The following UBP1 variants were observed in gnomAD, a reference collection of about 807,000 sequenced individuals.
The protein encoded by UBP1 is upstream binding protein 1, also known as upstream-binding protein 1.
A neutral mutation model predicts 76.1 loss-of-function variants in UBP1; 22 were observed. The observed-to-expected ratio is 0.29, with a 90% CI of 0.21 to 0.41. UBP1 has a LOEUF of 0.41. Among genes scored for constraint, UBP1 ranks in the 10% least tolerant of loss-of-function variants. The probability of loss-of-function intolerance (pLI) is 1.00; values close to 1 mark genes in which losing one functional copy is unlikely to be tolerated. For missense variants in UBP1, 436 were observed against 668.1 expected, an observed-to-expected ratio of 0.65 and a Z score of 3.83; for synonymous variants, 224 against 237.1, an observed-to-expected ratio of 0.94 and a Z score of 0.51.
intron 1 of UBP1, among the ~76,000 whole-genome samples, chr3:33,427,112 C>A (rs2045030599): frequency 6.6e-6 from 1 of 152,206 alleles, no homozygotes; most frequent in South Asian, 2.1e-4. Context: ...GGATTAGAGG[C>A]ATGTGCCACC....
At chr3:33,415,806 CA>C (rs2044713519) in intron 3 of UBP1, among the ~76,000 whole-genome samples, 1 of 151,796 alleles carries the variant, frequency 6.6e-6, no homozygotes, top group Non-Finnish European at 1.5e-5. Flanking sequence ...TCAGAGAAAG[CA>C]CATTGCTGAA....
chr3:33,408,065 G>GA (rs964354043), intron 8 of UBP1, among the ~76,000 whole-genome samples: 30 of 152,026 alleles, frequency 2.0e-4, no homozygotes, highest in African/African-American at 7.2e-4. Flanking sequence ...ACTTTGGCCT[G>GA]AAGCATTAAT....
chr3:33,394,516 A>G (rs950301683), intron 13 of UBP1, among the ~76,000 whole-genome samples: 1 of 131,910 alleles, frequency 7.6e-6, no homozygotes, highest in African/African-American at 3.1e-5. Context: ...CCCCAGCCAC[A>G]TTCCAGTGTT....
intron 9 of UBP1, among the ~76,000 whole-genome samples, chr3:33,402,216 A>C (rs770068145): frequency 6.6e-6 from 1 of 152,234 alleles, no homozygotes; most frequent in Non-Finnish European, 1.5e-5. Context: ...TGTACCTTCA[A>C]GATGCCCCAA....
intron 1 of UBP1, among the ~76,000 whole-genome samples, chr3:33,437,901 A>C (rs2154060329): frequency 6.6e-6 from 1 of 152,214 alleles, no homozygotes; most frequent in African/African-American, 2.4e-5. Context: ...AGAGGCAAGC[A>C]CTCTCATCTC....
intron 14 of UBP1, 52 bp from the exon 15 acceptor site, chr3:33,392,666 C>A: frequency 6.6e-7 from 1 of 1,507,378 alleles, no homozygotes; most frequent in Non-Finnish European, 9.1e-7. Flanking sequence ...ACTGTCGTTT[C>A]TTAAAATGAT....
intron 8 of UBP1, chr3:33,403,124 C>G (rs2044293800): frequency 2.1e-6 from 1 of 474,092 alleles, no homozygotes; most frequent in Middle Eastern, 6.0e-4. Flanking sequence ...TAGAGAAGAC[C>G]TAAAGTGATG....
chr3:33,424,485 T>C (rs1487494742), intron 2 of UBP1, among the ~76,000 whole-genome samples: 1 of 152,230 alleles, frequency 6.6e-6, no homozygotes, highest in African/African-American at 2.4e-5. Flanking sequence ...ATAATTCTAA[T>C]TTTTTGAAAG....
At chr3:33,394,996 T>G (rs1438397806) in intron 13 of UBP1, among the ~76,000 whole-genome samples, 2 of 152,140 alleles carry the variant, frequency 1.3e-5, no homozygotes, top group Non-Finnish European at 2.9e-5. Flanking sequence ...GTTTGCTGAT[T>G]ATGGGAAAAT....
At chr3:33,425,855 T>A in intron 1 of UBP1, 114 bp from the exon 2 acceptor site, 3 of 942,522 alleles carry the variant, frequency 3.2e-6, no homozygotes, top group Non-Finnish European at 4.3e-6. Flanking sequence ...CATATAAACA[T>A]TTAGGGATAG....
intron 2 of UBP1, among the ~76,000 whole-genome samples, chr3:33,418,777 T>G (rs1485526484): frequency 1.3e-5 from 2 of 149,764 alleles, no homozygotes; most frequent in Admixed American, 6.7e-5. Context: ...AAGAATCGCT[T>G]GAACCTGGGA....
chr3:33,399,583 T>A (rs897750692), intron 11 of UBP1, among the ~76,000 whole-genome samples: 7 of 152,224 alleles, frequency 4.6e-5, no homozygotes, highest in Non-Finnish European at 1.5e-5. Context: ...TGCATTTATA[T>A]AACATTCTCA....
chr3:33,426,207 G>A (rs1331459379), intron 1 of UBP1, among the ~76,000 whole-genome samples: 1 of 151,752 alleles, frequency 6.6e-6, no homozygotes, highest in African/African-American at 2.4e-5. Flanking sequence ...TGATTAAAAT[G>A]GGGTTTTACA....
At chr3:33,403,711 C>T (rs1163390476) in intron 8 of UBP1, 1 of 152,206 alleles carries the variant, frequency 6.6e-6, no homozygotes, top group Non-Finnish European at 1.5e-5. Context: ...CACGGAGATA[C>T]ACTATTACAA....
In UBP1 at chr3:33,407,961, T is replaced by C. The variant is rs1190829250; in HGVS notation, c.927+729A>G. Among the ~76,000 whole-genome samples the C allele has an allele frequency of 2.6e-5, 4 of 152,186 alleles. No homozygotes were observed. The East Asian group carries it at 7.7e-4, about 29-fold the overall frequency. The stretch of plus-strand genomic sequence containing the variant: ...AAGAGTCATGTCATAAAATAAAGAT[T>C]TGCTATACTTAACTGGACAAAGCAC... On this transcript the variant is annotated intron_variant, in intron 8 of 15. Coordinates refer to ENST00000283629, the MANE Select transcript of UBP1 (RefSeq NM_014517.5).
chr3:33,430,295 C>T (rs2045091495), intron 1 of UBP1, among the ~76,000 whole-genome samples: 1 of 152,118 alleles, frequency 6.6e-6, no homozygotes, highest in African/African-American at 2.4e-5. Context: ...TAGGATACAG[C>T]CATCCACATT....
At chr3:33,424,208 T>C (rs1444000827) in intron 2 of UBP1, among the ~76,000 whole-genome samples, 1 of 152,196 alleles carries the variant, frequency 6.6e-6, no homozygotes, top group Non-Finnish European at 1.5e-5. Flanking sequence ...AAAACTTAAC[T>C]CTCAAATAAG....
At chr3:33,431,478 C>G (rs559026790) in intron 1 of UBP1, among the ~76,000 whole-genome samples, 1 of 152,280 alleles carries the variant, frequency 6.6e-6, no homozygotes, top group Non-Finnish European at 1.5e-5. Flanking sequence ...TGGCTCACAC[C>G]TGTAATCCCA....
chr3:33,392,660 T>C (rs1423040073), intron 14 of UBP1, 46 bp from the exon 15 acceptor site: 1 of 1,538,812 alleles, frequency 6.5e-7, no homozygotes, highest in East Asian at 2.3e-5. Flanking sequence ...GATCCAACTG[T>C]CGTTTCTTAA....
Sources: gnomAD v4.1 joint callset for allele counts (sites outside exome capture counted in the v4.1 genomes callset) on GRCh38, gnomAD v4.1.1 for gene constraint, MANE v1.5 for transcripts, NCBI Gene and HGNC (gene_info 2026-07-23, HGNC 2026-07-21) for gene names.